The following TMC1 variants were observed in gnomAD, a reference collection of about 807,000 sequenced individuals.
TMC1 encodes transmembrane channel like 1, also known as transmembrane channel-like protein 1.
Under a neutral mutation model 105.8 loss-of-function variants are expected in TMC1, and 84 were observed. The ratio of observed to expected loss-of-function variants is 0.79; its 90% CI spans 0.67 to 0.95. The LOEUF is 0.95. TMC1 is among the 40% of genes least tolerant of loss of function. TMC1 has a pLI of 0.00. For synonymous variants in TMC1, 315 were observed against 311.5 expected (o/e 1.01, Z -0.12); for missense variants, 817 against 914.1 (o/e 0.89, Z 1.37).
At chr9:72,734,322 G>A (rs749957678) in intron 8 of TMC1, among the ~76,000 whole-genome samples, 23 of 152,154 alleles carry the variant, frequency 1.5e-4, no homozygotes, top group Non-Finnish European at 3.1e-4. Context: ...CATGGACTAA[G>A]CTAAACACAT....
At chr9:72,689,732 T>C (rs1484833517) in intron 6 of TMC1, among the ~76,000 whole-genome samples, 1 of 152,146 alleles carries the variant, frequency 6.6e-6, no homozygotes, top group Admixed American at 6.6e-5. Context: ...ACTAAAAGCA[T>C]ATTTTGTCCG....
chr9:72,612,139 A>C (rs563081564), intron 2 of TMC1, among the ~76,000 whole-genome samples: 3 of 152,250 alleles, frequency 2.0e-5, no homozygotes, highest in Non-Finnish European at 4.4e-5. Context: ...CTTCAGGCCT[A>C]GAGTTGGTAA....
chr9:72,687,925 T>C (rs1186230325), intron 5 of TMC1, among the ~76,000 whole-genome samples: 1 of 152,206 alleles, frequency 6.6e-6, no homozygotes, highest in Non-Finnish European at 1.5e-5. Context: ...CTGTGATGAA[T>C]GAACATTAAG....
intron 8 of TMC1, among the ~76,000 whole-genome samples, chr9:72,735,213 C>T (rs555125892): frequency 6.6e-6 from 1 of 152,146 alleles, no homozygotes; most frequent in Non-Finnish European, 1.5e-5. Flanking sequence ...ACCTGAAGAC[C>T]AGATTACAGT....
intron 12 of TMC1, among the ~76,000 whole-genome samples, chr9:72,767,653 C>T (rs1008400382): frequency 6.6e-5 from 10 of 152,196 alleles, no homozygotes; most frequent in Non-Finnish European, 1.5e-4. Flanking sequence ...AGCAATCAAA[C>T]AGAAATTAGA....
chr9:72,797,780 G>A (rs981280383), intron 17 of TMC1, among the ~76,000 whole-genome samples: 5 of 152,078 alleles, frequency 3.3e-5, no homozygotes, highest in Non-Finnish European at 7.4e-5. Context: ...AGAAAATCTA[G>A]GCAATATCAT....
At chr9:72,832,158 C>T (rs2118337033) in intron 23 of TMC1, among the ~76,000 whole-genome samples, 1 of 152,012 alleles carries the variant, frequency 6.6e-6, no homozygotes, top group South Asian at 2.1e-4. Context: ...TGCTAAGTTG[C>T]CCAGGCTGCT....
At chr9:72,804,894 A>G (rs1828544572) in intron 17 of TMC1, among the ~76,000 whole-genome samples, 2 of 152,248 alleles carry the variant, frequency 1.3e-5, no homozygotes, top group East Asian at 1.9e-4. Context: ...CCGTTTGTAT[A>G]TGTTCTTCTG....
intron 12 of TMC1, among the ~76,000 whole-genome samples, chr9:72,769,031 G>A (rs996125015): frequency 6.6e-6 from 1 of 152,124 alleles, no homozygotes; most frequent in African/African-American, 2.4e-5. Flanking sequence ...AGAAGGTATG[G>A]CACTAGCATG....
At chr9:72,793,274 C>T (rs1366183876) in intron 17 of TMC1, among the ~76,000 whole-genome samples, 2 of 152,174 alleles carry the variant, frequency 1.3e-5, no homozygotes, top group Admixed American at 6.5e-5. Context: ...CAGTGACAGT[C>T]TGCAGGCCCC....
At chr9:72,757,593 A>G (rs1342370247) in intron 12 of TMC1, among the ~76,000 whole-genome samples, 1 of 152,208 alleles carries the variant, frequency 6.6e-6, no homozygotes, top group African/African-American at 2.4e-5. Context: ...ATTTAGTTTC[A>G]TATACACCTG....
intron 10 of TMC1, among the ~76,000 whole-genome samples, chr9:72,747,806 G>A (rs1588063165): frequency 6.6e-6 from 1 of 152,152 alleles, no homozygotes; most frequent in African/African-American, 2.4e-5. Context: ...ATGTTGACCA[G>A]GCAGGTCTTG....
At chr9:72,676,771 G>A (rs1826209545) in intron 5 of TMC1, among the ~76,000 whole-genome samples, 1 of 152,010 alleles carries the variant, frequency 6.6e-6, no homozygotes, top group South Asian at 2.1e-4. Flanking sequence ...TCAGTACTAG[G>A]CCAGTCAGGA....
intron 8 of TMC1, among the ~76,000 whole-genome samples, chr9:72,726,814 G>A (rs1370543670): frequency 6.6e-6 from 1 of 152,180 alleles, no homozygotes; most frequent in Non-Finnish European, 1.5e-5. Flanking sequence ...TGAAAAAACA[G>A]TTATAATGCT....
intron 6 of TMC1, among the ~76,000 whole-genome samples, chr9:72,694,175 T>C (rs974768677): frequency 4.6e-5 from 7 of 152,166 alleles, no homozygotes; most frequent in African/African-American, 1.7e-4. Flanking sequence ...AATTATGTAA[T>C]GGAATGGTAA....
chr9:72,818,299 ATGT>A (rs1828819698), intron 19 of TMC1, among the ~76,000 whole-genome samples: 1 of 152,222 alleles, frequency 6.6e-6, no homozygotes, highest in Admixed American at 6.5e-5. Flanking sequence ...ATTTACGCAG[ATGT>A]TGTTAACATC....
rs758655552 is a variant in TMC1, at chr9:72,628,021, G to A, written c.-95G>A. 4.2e-5 allele frequency: 19 copies of A among 455,690 alleles called. No individual in the cohort carries two copies. Among genetic ancestry groups the A allele is most frequent in the African/African-American group, 2.0e-4 (10 of 50,026 alleles). The allele number at this position is 455,690 out of a possible 1,614,324, so 28.2% of individuals were successfully genotyped here. ...AGCCTGTGGGGAAGGAACTGTCCAC[G>A]TGGAGTGGTCTGGTGAATGCTTAAG... On this transcript the variant is annotated 5_prime_UTR_variant, in exon 4 of 24. It adds an upstream start codon to the 5' untranslated region. Transcript: ENST00000297784.
chr9:72,526,724 TG>T (rs1435221550), intron 1 of TMC1, among the ~76,000 whole-genome samples: 4 of 152,186 alleles, frequency 2.6e-5, no homozygotes, highest in Non-Finnish European at 5.9e-5. Flanking sequence ...ATACGTGAGC[TG>T]GGAACACAAA....
In TMC1 at chr9:72,802,254, TATACATACATACATAC is replaced by T. The variant is rs33965711; in HGVS notation, c.1567-3110_1567-3095del. Among the ~76,000 whole-genome samples the T allele has an allele frequency of 2.0e-5, 3 of 149,278 alleles. 1 individual carries two copies. The highest frequency in any genetic ancestry group is 4.2e-4 in the South Asian group (2 of 4,712). Reference sequence around the variant, plus strand: ...ACATACATACATACATACATACATATATACATACATACATACATACATACATACATACAAAGAACTG... The same window carrying T: ...ACATACATACATACATACATACATATATACATACATACATACAAAGAACTG... On this transcript the variant is annotated intron_variant, in intron 17 of 23. Coordinates refer to ENST00000297784, the MANE Select transcript of TMC1 (RefSeq NM_138691.3).
Sources: gnomAD v4.1 joint callset for allele counts (sites outside exome capture counted in the v4.1 genomes callset) on GRCh38, gnomAD v4.1.1 for gene constraint, MANE v1.5 for transcripts, NCBI Gene and HGNC (gene_info 2026-07-23, HGNC 2026-07-21) for gene names.